The following SAMMSON variants were observed in gnomAD, a reference collection of about 807,000 sequenced individuals.
SAMMSON encodes long intergenic non-protein coding RNA 1212.
intron 4 of SAMMSON, among the ~76,000 whole-genome samples, chr3:70,124,689 C>G (rs2067448358): frequency 6.6e-6 from 1 of 151,468 alleles, no homozygotes; most frequent in South Asian, 2.1e-4. Flanking sequence ...GTGGCGGGCG[C>G]CTGTAGTCCC....
chr3:70,077,313 T>A (rs2067251323), intron 4 of SAMMSON, among the ~76,000 whole-genome samples: 1 of 152,174 alleles, frequency 6.6e-6, no homozygotes. Context: ...AAGATATTTG[T>A]TAACAAGACT....
At chr3:70,149,311 A>T (rs1175955521) in intron 4 of SAMMSON, among the ~76,000 whole-genome samples, 1 of 152,102 alleles carries the variant, frequency 6.6e-6, no homozygotes, top group Non-Finnish European at 1.5e-5. Flanking sequence ...CAGAGCTAGT[A>T]ACCCTGAAGC....
intron 4 of SAMMSON, among the ~76,000 whole-genome samples, chr3:70,106,147 G>T (rs2067366604): frequency 2.0e-5 from 3 of 152,076 alleles, no homozygotes; most frequent in African/African-American, 7.2e-5. Flanking sequence ...TACTGAACAA[G>T]CTCTTCTGAT....
chr3:70,260,204 A>G (rs923593257), intron 6 of SAMMSON, among the ~76,000 whole-genome samples: 1 of 152,098 alleles, frequency 6.6e-6, no homozygotes, highest in Non-Finnish European at 1.5e-5. Flanking sequence ...GTGGTTTGCC[A>G]GCAATCACAG....
At chr3:70,145,602 T>C (rs895764240) in intron 4 of SAMMSON, among the ~76,000 whole-genome samples, 2 of 152,032 alleles carry the variant, frequency 1.3e-5, no homozygotes, top group African/African-American at 4.8e-5. Context: ...AAATAATCCA[T>C]GGGCTGAAGA....
intron 6 of SAMMSON, among the ~76,000 whole-genome samples, chr3:70,290,855 G>C (rs1206476539): frequency 6.6e-6 from 1 of 152,192 alleles, no homozygotes; most frequent in Non-Finnish European, 1.5e-5. Context: ...TCTTTGACTA[G>C]GAAAGGGAAC....
At chr3:70,337,883 T>C (rs2106726753) in intron 7 of SAMMSON, among the ~76,000 whole-genome samples, 1 of 151,980 alleles carries the variant, frequency 6.6e-6, no homozygotes, top group Non-Finnish European at 1.5e-5. Context: ...ATCTTAAACA[T>C]TTTATATTAA....
At chr3:70,231,116 A>G in intron 4 of SAMMSON, among the ~76,000 whole-genome samples, 1 of 152,190 alleles carries the variant, frequency 6.6e-6, no homozygotes, top group Non-Finnish European at 1.5e-5. Flanking sequence ...ATGTATTAAA[A>G]ACACACAAGG....
intron 4 of SAMMSON, among the ~76,000 whole-genome samples, chr3:70,238,199 C>A (rs1410491862): frequency 6.6e-6 from 1 of 151,716 alleles, no homozygotes; most frequent in African/African-American, 2.4e-5. Context: ...CCAATCCAGG[C>A]GTTCCCTGAC....
chr3:70,113,279 T>A (rs2067396986), intron 4 of SAMMSON, among the ~76,000 whole-genome samples: 1 of 152,354 alleles, frequency 6.6e-6, no homozygotes, highest in East Asian at 1.9e-4. Context: ...TCTTTCTCTC[T>A]TACTTTCCCC....
At position 70,168,207 on chromosome 3, in the gene SAMMSON, G is replaced by T. The variant is rs139074558; in HGVS notation, n.508-80900G>T. Among the ~76,000 whole-genome samples, 52 of 151,986 alleles carry T rather than the reference G, an allele frequency of 3.4e-4. No individual in the cohort carries two copies. In the East Asian group the frequency reaches 9.5e-3, roughly 28 times the overall value. Reference sequence around the variant, plus strand: ...GGGCACAGGTTCAATCATCACGCAGGCTAGTGACCTTCAGTATTTCCTGGC... The same window carrying T: ...GGGCACAGGTTCAATCATCACGCAGTCTAGTGACCTTCAGTATTTCCTGGC... On this transcript the variant is annotated intron_variant and non_coding_transcript_variant, in intron 4 of 9. Coordinates refer to ENST00000642114, the Ensembl canonical transcript of SAMMSON.
chr3:70,106,476 G>T (rs996145345), intron 4 of SAMMSON, among the ~76,000 whole-genome samples: 1 of 150,948 alleles, frequency 6.6e-6, no homozygotes, highest in African/African-American at 2.4e-5. Flanking sequence ...GAGTAGCTGG[G>T]ACCACAGGCA....
intron 4 of SAMMSON, among the ~76,000 whole-genome samples, chr3:70,234,392 T>TA (rs1346049769): frequency 6.6e-6 from 1 of 152,166 alleles, no homozygotes; most frequent in Non-Finnish European, 1.5e-5. Flanking sequence ...CTCATGCCTG[T>TA]AATCCTAGCA....
At chr3:70,011,696 T>C (rs1247648876) in intron 1 of SAMMSON, among the ~76,000 whole-genome samples, 1 of 151,812 alleles carries the variant, frequency 6.6e-6, no homozygotes, top group Non-Finnish European at 1.5e-5. Context: ...TCTGATACTA[T>C]AGCAAAGAAA....
chr3:70,268,538 C>T (rs1701945725), intron 6 of SAMMSON, among the ~76,000 whole-genome samples: 1 of 150,234 alleles, frequency 6.7e-6, no homozygotes, highest in Non-Finnish European at 1.5e-5. Context: ...GATAAACCTA[C>T]ACTGACACAT....
intron 4 of SAMMSON, among the ~76,000 whole-genome samples, chr3:70,204,213 C>T (rs576967856): frequency 6.6e-6 from 1 of 152,286 alleles, no homozygotes; most frequent in East Asian, 1.9e-4. Flanking sequence ...CCACAAACTA[C>T]ATGAAAGTGG....
At chr3:70,148,635 C>T (rs2067558526) in intron 4 of SAMMSON, among the ~76,000 whole-genome samples, 1 of 151,914 alleles carries the variant, frequency 6.6e-6, no homozygotes, top group Non-Finnish European at 1.5e-5. Flanking sequence ...GATCATATGG[C>T]CAGAGAGGAA....
chr3:70,004,053 A>C (rs1158320738), intron 1 of SAMMSON, among the ~76,000 whole-genome samples: 1 of 151,464 alleles, frequency 6.6e-6, no homozygotes, highest in African/African-American at 2.4e-5. Flanking sequence ...GCAGGAGAGG[A>C]GGAGAGGCTG....
At chr3:70,334,715 T>C (rs562683167) in intron 7 of SAMMSON, among the ~76,000 whole-genome samples, 1 of 152,174 alleles carries the variant, frequency 6.6e-6, no homozygotes, top group African/African-American at 2.4e-5. Flanking sequence ...ATTTTTACAG[T>C]TGAAGAAGCT....
Sources: allele counts gnomAD v4.1 joint callset (sites outside exome capture counted in the v4.1 genomes callset), GRCh38; gene constraint gnomAD v4.1.1; transcripts MANE v1.5; gene names NCBI Gene and HGNC (gene_info 2026-07-23, HGNC 2026-07-21).